HTRA1: variants seen among roughly 807,000 people sequenced by gnomAD.
The protein encoded by HTRA1 is HtrA serine peptidase 1.
A neutral mutation model predicts 49.7 loss-of-function variants in HTRA1; 26 were observed. That is an observed-to-expected ratio of 0.52 (90% confidence interval 0.38 to 0.73). The LOEUF is 0.73. Ranked by LOEUF, HTRA1 falls within the 30% of genes least tolerant of loss-of-function variation. The probability of loss-of-function intolerance (pLI) is 0.00; values close to 1 mark genes in which losing one functional copy is unlikely to be tolerated. For synonymous variants in HTRA1, 291 were observed against 286.9 expected, an observed-to-expected ratio of 1.01 and a Z score of -0.14; for missense variants, 561 against 667.2, an observed-to-expected ratio of 0.84 and a Z score of 1.75.
intron 2 of HTRA1, 94 bp from the exon 3 acceptor site, chr10:122,489,328 G>T: frequency 1.7e-6 from 2 of 1,145,006 alleles, no homozygotes; most frequent in South Asian, 2.5e-5. Flanking sequence ...CGATGGCTAG[G>T]TGTGTGTGGC....
At chr10:122,513,983 C>T (rs2097506798) in intron 8 of HTRA1, among the ~76,000 whole-genome samples, 1 of 151,734 alleles carries the variant, frequency 6.6e-6, no homozygotes, top group African/African-American at 2.4e-5. Context: ...AGGTGATCCA[C>T]CTGCCTCAGC....
At chr10:122,480,442 C>T (rs1326748447) in intron 1 of HTRA1, among the ~76,000 whole-genome samples, 1 of 152,152 alleles carries the variant, frequency 6.6e-6, no homozygotes, top group Admixed American at 6.5e-5. Context: ...GGGGTTGGCA[C>T]ACCTGGGTTA....
chr10:122,489,589 A>G lies in HTRA1; in HGVS notation c.740A>G (p.Glu247Gly). Residue 247 changes from glutamate to glycine, a missense_variant, in exon 3 of 9, where the codon GAG (glutamate) becomes GGG (glycine). This residue lies in a region of HTRA1 where 271 missense variants were observed against 410.0 expected (regional missense o/e 0.66). Transcript: ENST00000368984. ...TYEAKIKDVD[E>G]KADIALIKID... ...GAAGCCAAAATCAAGGATGTGGATG[A>G]GAAAGCAGACATCGCACTCATCAAA... 6.2e-7 allele frequency: 1 copy of G among 1,614,094 alleles called. No homozygotes were observed. Among genetic ancestry groups the G allele is most frequent in the Non-Finnish European group, 8.5e-7 (1 of 1,180,006 alleles).
Position 122,461,561 on chromosome 10 carries a change from C to T in HTRA1, c.-92C>T. The T allele has an allele frequency of 1.4e-6, 1 of 720,868 alleles. No individual in the cohort carries two copies. Among genetic ancestry groups the T allele is most frequent in the Non-Finnish European group, 1.9e-6 (1 of 516,560 alleles). The allele number at this position is 720,868 out of a possible 1,614,324, so 44.7% of individuals were successfully genotyped here. On this transcript the variant is annotated 5_prime_UTR_variant, in exon 1 of 9. Coordinates refer to ENST00000368984, the MANE Select transcript of HTRA1 (RefSeq NM_002775.5). ...GCCGCGCGGCCGCGCGCACTCGCAC[C>T]CGCTGCCCCCGAGGCCCTCCTGCAC... is the stretch of plus-strand genomic sequence containing the variant.
chr10:122,476,882 C>T (rs1011866660), intron 1 of HTRA1, among the ~76,000 whole-genome samples: 1 of 152,134 alleles, frequency 6.6e-6, no homozygotes, highest in African/African-American at 2.4e-5. Flanking sequence ...GATAAATTTC[C>T]CGGTGTGTCT....
At chr10:122,477,431 G>T (rs1411269277) in intron 1 of HTRA1, among the ~76,000 whole-genome samples, 1 of 152,146 alleles carries the variant, frequency 6.6e-6, no homozygotes, top group Non-Finnish European at 1.5e-5. Context: ...CCTCCCAAAA[G>T]CTGCTGGCAC....
intron 1 of HTRA1, among the ~76,000 whole-genome samples, chr10:122,472,428 G>T (rs866369385): frequency 1.3e-5 from 2 of 149,996 alleles, no homozygotes; most frequent in Middle Eastern, 3.4e-3. Flanking sequence ...ACAGGGTCTT[G>T]CTCCATCACC....
At chr10:122,495,109 C>A (rs375139886) in intron 3 of HTRA1, among the ~76,000 whole-genome samples, 26 of 152,166 alleles carry the variant, frequency 1.7e-4, no homozygotes, top group South Asian at 6.2e-4. Context: ...TCAGAGAACA[C>A]AGGGCCTGGG....
At chr10:122,504,399 T>G (rs1312491356) in intron 3 of HTRA1, among the ~76,000 whole-genome samples, 1 of 152,130 alleles carries the variant, frequency 6.6e-6, no homozygotes, top group Non-Finnish European at 1.5e-5. Flanking sequence ...AGATGTGAAT[T>G]AGGATCCCCA....
chr10:122,483,429 A>T (rs369420997), intron 1 of HTRA1, among the ~76,000 whole-genome samples: 1 of 152,374 alleles, frequency 6.6e-6, no homozygotes, highest in Non-Finnish European at 1.5e-5. Context: ...GGAAAGATCC[A>T]TCTCTATAAA....
intron 8 of HTRA1, among the ~76,000 whole-genome samples, chr10:122,513,382 C>T (rs1235061022): frequency 2.0e-5 from 3 of 152,052 alleles, no homozygotes; most frequent in African/African-American, 7.2e-5. Flanking sequence ...GCAGATAGTA[C>T]CTGGTACATC....
intron 1 of HTRA1, among the ~76,000 whole-genome samples, chr10:122,463,401 G>C (rs1305086669): frequency 3.3e-5 from 5 of 152,216 alleles, no homozygotes; most frequent in East Asian, 1.9e-4. Context: ...TCGAGAAGGG[G>C]CATGATGATA....
chr10:122,508,448 T>A (rs925991115), intron 5 of HTRA1, among the ~76,000 whole-genome samples: 1 of 152,262 alleles, frequency 6.6e-6, no homozygotes, highest in Non-Finnish European at 1.5e-5. Context: ...ACCTGGAGTA[T>A]GTGCGATTCT....
chr10:122,463,690 C>T lies in HTRA1; in HGVS notation c.472+1566C>T, dbSNP rs1327399402. ...CTTCTCATTCCCGTTTTACAGATAG[C>T]GGAGCTAAGGTTGAAAAACTTGCCC... On this transcript the variant is annotated intron_variant, in intron 1 of 8. Transcript: ENST00000368984. Among the ~76,000 whole-genome samples the T allele has an allele frequency of 5.3e-5, 8 of 152,290 alleles. No individual in the cohort carries two copies. The East Asian group carries it at 7.7e-4, about 15-fold the overall frequency.
rs1407878415 is a variant in HTRA1 at position 122,461,697 on chromosome 10, G to A, written c.45G>A (p.Leu15=). 2 of 1,302,340 alleles carry A rather than the reference G, an allele frequency of 1.5e-6. No homozygotes were observed. Among genetic ancestry groups the A allele is most frequent in the Admixed American group, 2.8e-5 (1 of 36,270 alleles). The allele number at this position is 1,302,340 out of a possible 1,614,324, so 80.7% of individuals were successfully genotyped here. ...CTCTTCTCCCGCTGCTGCTGCTGCT[G>A]CTGGCGGCGCCCGCCTCGGCGCAGC... The part of the protein sequence containing the change: ...RAALLPLLLL[L]LAAPASAQLS... The change falls in exon 1 of 9, where the codon CTG becomes CTA. Residue 15 remains leucine (L), a synonymous_variant. Transcript: ENST00000368984.
chr10:122,484,438 G>A (rs1254281434), intron 1 of HTRA1, among the ~76,000 whole-genome samples: 1 of 152,148 alleles, frequency 6.6e-6, no homozygotes, highest in Non-Finnish European at 1.5e-5. Context: ...TCATACCTTC[G>A]CAGTGACATG....
At chr10:122,493,234 G>A (rs924052825) in intron 3 of HTRA1, among the ~76,000 whole-genome samples, 12 of 152,138 alleles carry the variant, frequency 7.9e-5, no homozygotes, top group African/African-American at 2.4e-4. Context: ...CTGCAGCCCC[G>A]GCCAGGCATC....
At position 122,512,028 on chromosome 10, in the gene HTRA1, T is replaced by C. The variant is rs772792746; in HGVS notation, c.1237T>C (p.Tyr413His). Residue 413 changes from tyrosine to histidine, a missense_variant, in exon 8 of 9, where the codon TAT becomes CAT. Around this residue, in one of 3 missense-constraint regions of HTRA1, gnomAD observed 179 missense variants for 173.4 expected, o/e 1.03. Transcript: ENST00000368984. ...RDFPDVISGAYIIEVIPDTPA... is the reference protein window; with the variant it reads ...RDFPDVISGAHIIEVIPDTPA... ...CTTCCCAGACGTGATCTCAGGAGCG[T>C]ATATAATTGAAGTAATTCCTGATAC... The C allele has an allele frequency of 6.2e-7, 1 of 1,613,744 alleles. No individual in the cohort carries two copies.
intron 3 of HTRA1, among the ~76,000 whole-genome samples, chr10:122,498,771 G>C (rs1023128061): frequency 2.6e-5 from 4 of 152,176 alleles, no homozygotes; most frequent in Non-Finnish European, 4.4e-5. Context: ...CCCTGAGCTC[G>C]CTGTTTTAAT....
Sources: allele counts gnomAD v4.1 joint callset (sites outside exome capture counted in the v4.1 genomes callset), GRCh38; gene constraint gnomAD v4.1.1; regional missense constraint gnomAD v4.1.1; transcripts MANE v1.5; gene names NCBI Gene and HGNC (gene_info 2026-07-23, HGNC 2026-07-21).